The following LRRC37A variants were observed in gnomAD, a reference collection of about 807,000 sequenced individuals.
LRRC37A encodes leucine-rich repeat-containing protein 37A.
LRRC37A carries 3 observed loss-of-function variants against 35.4 expected under a neutral mutation model. The observed-to-expected ratio is 0.08, with a 90% CI of 0.04 to 0.22. The LOEUF is 0.22. Ranked by LOEUF, LRRC37A falls within the 10% of genes least tolerant of loss-of-function variation. The probability of loss-of-function intolerance (pLI) is 1.00; values close to 1 mark genes in which losing one functional copy is unlikely to be tolerated. For synonymous variants in LRRC37A, 23 were observed against 215.0 expected, an observed-to-expected ratio of 0.11 and a Z score of 7.81; for missense variants, 67 against 565.3, an observed-to-expected ratio of 0.12 and a Z score of 8.94.
chr17:46,267,091 CTGCGCT>C, the LRRC37A span: 1 of 383,664 alleles, frequency 2.6e-6, no homozygotes, highest in Non-Finnish European at 4.5e-6. Flanking sequence ...GCGCCGAGCT[CTGCGCT>C]TGCGCTTGCC....
At chr17:46,253,814 T>C in the LRRC37A span, among the ~76,000 whole-genome samples, 1 of 152,038 alleles carries the variant, frequency 6.6e-6, no homozygotes, top group Non-Finnish European at 1.5e-5. Context: ...CATTTTCTTA[T>C]AAACCCAATT....
chr17:46,253,552 G>T, the LRRC37A span, among the ~76,000 whole-genome samples: 2 of 152,236 alleles, frequency 1.3e-5, no homozygotes, highest in Admixed American at 1.3e-4. Flanking sequence ...CTGGAGACCA[G>T]CCCGGCCAAC....
At chr17:46,252,789 G>T in the LRRC37A span, among the ~76,000 whole-genome samples, 1 of 152,138 alleles carries the variant, frequency 6.6e-6, no homozygotes, top group African/African-American at 2.4e-5. Context: ...ACACAGACAC[G>T]GCAACCATCC....
chr17:46,258,210 A>G, the LRRC37A span, among the ~76,000 whole-genome samples: 1 of 147,668 alleles, frequency 6.8e-6, no homozygotes, highest in East Asian at 1.9e-4. Flanking sequence ...TCATTATATG[A>G]AAGAGATTCT....
chr17:46,272,183 T>C, the LRRC37A span, among the ~76,000 whole-genome samples: 1 of 152,274 alleles, frequency 6.6e-6, no homozygotes, highest in Non-Finnish European at 1.5e-5. Context: ...TAACAGTTAT[T>C]GAAAATACTT....
chr17:46,253,373 G>C, the LRRC37A span, among the ~76,000 whole-genome samples: 6 of 151,746 alleles, frequency 4.0e-5, no homozygotes, highest in Non-Finnish European at 5.9e-5. Context: ...CTGCAATCTC[G>C]GCACTTTGGG....
At chr17:46,289,689 T>G (rs1342376495), upstream of LRRC37A, among the ~76,000 whole-genome samples, 2 of 152,216 alleles carry the variant, frequency 1.3e-5, no homozygotes, top group Non-Finnish European at 2.9e-5. Context: ...ATACCAAAAA[T>G]ATTCCCAAAA....
upstream of LRRC37A, among the ~76,000 whole-genome samples, chr17:46,290,846 C>A (rs2957297): frequency 0.098 from 14,102 of 144,076 alleles, no homozygotes; most frequent in Middle Eastern, 0.15. Context: ...ACCTGATTCC[C>A]CACGCCAAAA....
At chr17:46,249,008 CA>C in the LRRC37A span, among the ~76,000 whole-genome samples, 2 of 151,906 alleles carry the variant, frequency 1.3e-5, no homozygotes, top group Non-Finnish European at 2.9e-5. Context: ...ATTTAAAATA[CA>C]GTATAATTAT....
chr17:46,332,391 C>G (rs1428200067), intron 9 of LRRC37A, among the ~76,000 whole-genome samples, 161 bp from the exon 10 acceptor site: 7 of 74,272 alleles, frequency 9.4e-5, no homozygotes, highest in Non-Finnish European at 1.7e-4. Context: ...GAGGTCGAGT[C>G]TAGTGAACGG....
At chr17:46,266,671 T>C in the LRRC37A span, among the ~76,000 whole-genome samples, 26 of 151,994 alleles carry the variant, frequency 1.7e-4, no homozygotes, top group Non-Finnish European at 2.2e-4. Context: ...CGTCGGATCA[T>C]CCCCCGAAGC....
the LRRC37A span, among the ~76,000 whole-genome samples, chr17:46,280,288 C>T: frequency 0.11 from 16,681 of 149,036 alleles, no homozygotes; most frequent in Non-Finnish European, 0.17. Flanking sequence ...CGCTTGAACG[C>T]GGGAAGCGGA....
the LRRC37A span, among the ~76,000 whole-genome samples, chr17:46,255,215 T>C: frequency 2.8e-4 from 43 of 152,226 alleles, no homozygotes; most frequent in African/African-American, 1.0e-3. Flanking sequence ...GTGATCTTCC[T>C]TCCTCGGCCT....
At chr17:46,250,277 C>T in the LRRC37A span, among the ~76,000 whole-genome samples, 2 of 112,002 alleles carry the variant, frequency 1.8e-5, no homozygotes, top group African/African-American at 2.6e-5. Context: ...TCCCAAATCA[C>T]GGTTCCAGAC....
chr17:46,319,034 G>T (rs4322709), intron 5 of LRRC37A, among the ~76,000 whole-genome samples: 447 of 8,758 alleles, frequency 0.051, 17 homozygotes, highest in Middle Eastern at 0.25. Flanking sequence ...GCTCCCTCTG[G>T]TTGGGGATGT....
the LRRC37A span, chr17:46,260,547 C>A: frequency 5.8e-6 from 9 of 1,560,610 alleles, 1 homozygote; most frequent in Non-Finnish European, 7.1e-6. Flanking sequence ...CCCTGACCCA[C>A]GCCTCCAGCG....
chr17:46,274,203 CTA>C, the LRRC37A span, among the ~76,000 whole-genome samples: 1 of 152,242 alleles, frequency 6.6e-6, no homozygotes, highest in African/African-American at 2.4e-5. Flanking sequence ...GGGAGAAAAA[CTA>C]TCTCCATTTA....
the LRRC37A span, among the ~76,000 whole-genome samples, chr17:46,279,919 G>T: frequency 6.6e-6 from 1 of 152,270 alleles, no homozygotes; most frequent in South Asian, 2.1e-4. Context: ...ATTATCTAAT[G>T]CATGAGTCAT....
chr17:46,278,057 T>C, the LRRC37A span, among the ~76,000 whole-genome samples: 2 of 152,174 alleles, frequency 1.3e-5, no homozygotes, highest in Non-Finnish European at 2.9e-5. Context: ...GTGATTCTTC[T>C]GCCTCAGCCT....
Sources: gnomAD v4.1 joint callset for allele counts (sites outside exome capture counted in the v4.1 genomes callset) on GRCh38, gnomAD v4.1.1 for gene constraint, MANE v1.5 for transcripts, NCBI Gene and HGNC (gene_info 2026-07-23, HGNC 2026-07-21) for gene names.